GMDS: variants seen among roughly 807,000 people sequenced by gnomAD.
GMDS encodes the protein GDP-mannose 4,6 dehydratase.
Under a neutral mutation model 49.9 loss-of-function variants are expected in GMDS, and 20 were observed. That is an observed-to-expected ratio of 0.40 (90% CI 0.28 to 0.58). The LOEUF (loss-of-function observed/expected upper bound fraction) is 0.58, where lower values mean the gene tolerates loss of function less well. GMDS is among the 20% of genes least tolerant of loss of function. GMDS has a pLI of 0.42. For missense variants in GMDS, 362 were observed against 481.4 expected, an observed-to-expected ratio of 0.75 and a Z score of 2.32; for synonymous variants, 177 against 178.6, an observed-to-expected ratio of 0.99 and a Z score of 0.07.
At chr6:2,152,873 A>G (rs933008913) in intron 1 of GMDS, among the ~76,000 whole-genome samples, 5 of 152,218 alleles carry the variant, frequency 3.3e-5, no homozygotes, top group African/African-American at 1.2e-4. Flanking sequence ...TGATATAATC[A>G]AAATCTAGAT....
intron 1 of GMDS, among the ~76,000 whole-genome samples, chr6:2,223,043 C>T (rs921613279): frequency 1.3e-5 from 2 of 152,068 alleles, no homozygotes; most frequent in Non-Finnish European, 2.9e-5. Context: ...GCTTGCCAGC[C>T]AGCCCTGCAA....
chr6:2,139,489 C>G (rs536419514), intron 1 of GMDS, among the ~76,000 whole-genome samples: 6 of 152,294 alleles, frequency 3.9e-5, no homozygotes, highest in Non-Finnish European at 7.3e-5. Context: ...CTGAACTGCT[C>G]GACAGACACA....
intron 8 of GMDS, among the ~76,000 whole-genome samples, chr6:1,728,493 G>T (rs906347414): frequency 6.6e-6 from 1 of 152,142 alleles, no homozygotes; most frequent in Non-Finnish European, 1.5e-5. Flanking sequence ...AGCTGGCCAC[G>T]CTGACTTATG....
chr6:2,063,057 AC>A (rs1385523298), intron 4 of GMDS, among the ~76,000 whole-genome samples: 17 of 152,370 alleles, frequency 1.1e-4, no homozygotes, highest in African/African-American at 3.8e-4. Flanking sequence ...AGCCAGAGAT[AC>A]AAATTGTGGC....
chr6:2,086,345 C>T lies in GMDS; in HGVS notation c.345+29426G>A, dbSNP rs189025049. On this transcript the variant is annotated intron_variant, in intron 4 of 10. Coordinates refer to ENST00000380815, the MANE Select transcript of GMDS (RefSeq NM_001500.4). ...GAAGCAACACTTTTGTGCTAACACA[C>T]AAGTCAAAGACATTGATCTTACACA... is the stretch of plus-strand genomic sequence containing the variant. 1.9e-3 allele frequency among the ~76,000 whole-genome samples: 293 copies of T among 152,346 alleles called. 1 individual carries two copies. The highest frequency in any genetic ancestry group is 1.1e-3 in the Non-Finnish European group (72 of 68,038).
intron 1 of GMDS, among the ~76,000 whole-genome samples, chr6:2,135,640 C>T (rs964415615): frequency 3.3e-5 from 5 of 151,852 alleles, no homozygotes; most frequent in African/African-American, 1.2e-4. Flanking sequence ...TTAGCAATGA[C>T]ATTAATGCCG....
chr6:1,915,793 T>A (rs1363789792), intron 7 of GMDS, among the ~76,000 whole-genome samples: 1 of 152,226 alleles, frequency 6.6e-6, no homozygotes, highest in Admixed American at 6.5e-5. Context: ...ACCAGACTCC[T>A]GTGAAAGTAA....
At chr6:2,140,889 C>T (rs997366916) in intron 1 of GMDS, among the ~76,000 whole-genome samples, 4 of 152,306 alleles carry the variant, frequency 2.6e-5, no homozygotes, top group Non-Finnish European at 4.4e-5. Flanking sequence ...AACATGTCAG[C>T]AGCTGAGCCA....
chr6:1,981,701 T>C (rs936195884), intron 4 of GMDS, among the ~76,000 whole-genome samples: 7 of 152,090 alleles, frequency 4.6e-5, no homozygotes, highest in African/African-American at 1.4e-4. Context: ...CACCAAAACC[T>C]AGCAGAGGTA....
chr6:1,940,564 C>G (rs1762774714), intron 6 of GMDS, among the ~76,000 whole-genome samples: 1 of 152,152 alleles, frequency 6.6e-6, no homozygotes, highest in African/African-American at 2.4e-5. Context: ...AGAGATCATA[C>G]CTCATTTGCT....
rs1360061326 is a variant in GMDS, at chr6:1,652,464, ATATAT to A, written c.988-27929_988-27925del. On this transcript the variant is annotated intron_variant, in intron 9 of 10. Transcript: ENST00000380815. ...TATATTTATATATTATTTATATATAATATATTATATATATTATATATAATATATAT... is the reference window on the plus strand; with the variant it reads ...TATATTTATATATTATTTATATATAATATATATATTATATATAATATATAT... Among the ~76,000 whole-genome samples the A allele has an allele frequency of 8.7e-4, 7 of 8,090 alleles. 1 individual carries two copies. Among genetic ancestry groups the A allele is most frequent in the Non-Finnish European group, 1.4e-3 (6 of 4,374 alleles). The allele number at this position is 8,090 out of a possible 152,430, so 5.3% of individuals were successfully genotyped here.
chr6:2,111,797 A>C (rs945627285), intron 4 of GMDS, among the ~76,000 whole-genome samples: 1 of 152,268 alleles, frequency 6.6e-6, no homozygotes, highest in African/African-American at 2.4e-5. Flanking sequence ...TTGTCTAAAT[A>C]TATCTATGAA....
At chr6:1,630,512 C>A (rs1320505285) in intron 9 of GMDS, among the ~76,000 whole-genome samples, 1 of 152,240 alleles carries the variant, frequency 6.6e-6, no homozygotes, top group East Asian at 1.9e-4. Flanking sequence ...AACTTTGAGG[C>A]CTTCCCCGTT....
At chr6:1,744,145 A>T (rs1432031713) in intron 7 of GMDS, among the ~76,000 whole-genome samples, 4 of 152,214 alleles carry the variant, frequency 2.6e-5, no homozygotes, top group African/African-American at 9.6e-5. Flanking sequence ...AATAAAATTT[A>T]AAATAATTTC....
chr6:1,626,285 A>G (rs1281516443), intron 9 of GMDS: 5 of 152,252 alleles, frequency 3.3e-5, no homozygotes, highest in Non-Finnish European at 7.3e-5. Context: ...CTGAAGTACC[A>G]GTTTCCTCCC....
At chr6:2,242,587 T>A (rs1159481606) in intron 1 of GMDS, among the ~76,000 whole-genome samples, 1 of 152,226 alleles carries the variant, frequency 6.6e-6, no homozygotes, top group East Asian at 1.9e-4. Context: ...GCCAGAGCAG[T>A]GGCATTTGAA....
chr6:1,996,456 T>C (rs187536770), intron 4 of GMDS, among the ~76,000 whole-genome samples: 93 of 152,364 alleles, frequency 6.1e-4, no homozygotes, highest in Non-Finnish European at 9.3e-4. Flanking sequence ...GTAACAGTGA[T>C]AGAAAAGCTA....
Position 1,624,086 on chromosome 6 carries a change from C to T in GMDS, c.*83G>A. 7.8e-7 allele frequency: 1 copy of T among 1,281,078 alleles called. No homozygotes were observed. The highest frequency in any genetic ancestry group is 1.1e-6 in the Non-Finnish European group (1 of 901,120). 79.4% of individuals were successfully genotyped at this position (1,281,078 alleles called of 1,614,324 possible). ...GCAGGGGACCCGCAGATTGGCACGC[C>T]GCTCCCCATCCCCGCAGCGCGTCTG... is the stretch of plus-strand genomic sequence containing the variant. On this transcript the variant is annotated 3_prime_UTR_variant, in exon 11 of 11. Coordinates refer to ENST00000380815, the MANE Select transcript of GMDS (RefSeq NM_001500.4).
intron 7 of GMDS, among the ~76,000 whole-genome samples, chr6:1,906,763 G>A (rs1371184730): frequency 1.3e-5 from 2 of 152,152 alleles, no homozygotes; most frequent in East Asian, 1.9e-4. Context: ...AGGAGTAGGA[G>A]CTCTCCCATC....
Sources: allele counts gnomAD v4.1 joint callset (sites outside exome capture counted in the v4.1 genomes callset), GRCh38; gene constraint gnomAD v4.1.1; transcripts MANE v1.5; gene names NCBI Gene and HGNC (gene_info 2026-07-23, HGNC 2026-07-21).